Variants in RASAL2 observed in about 807,000 individuals in gnomAD.
RASAL2 encodes ras GTPase-activating protein nGAP.
A neutral mutation model predicts 128.9 loss-of-function variants in RASAL2; 58 were observed. That is an observed-to-expected ratio of 0.45 (90% CI 0.36 to 0.56). The LOEUF is 0.56. Ranked by LOEUF, RASAL2 falls within the 20% of genes least tolerant of loss-of-function variation. The pLI is 0.00. For synonymous variants in RASAL2, 561 were observed against 580.8 expected (o/e 0.97, Z 0.49); for missense variants, 1,360 against 1,601.6 (o/e 0.85, Z 2.57).
At chr1:178,233,557 T>C (rs1664099610) in intron 1 of RASAL2, among the ~76,000 whole-genome samples, 1 of 152,206 alleles carries the variant, frequency 6.6e-6, no homozygotes, top group Non-Finnish European at 1.5e-5. Flanking sequence ...GGAGACCTGG[T>C]TGAACGACAA....
chr1:178,400,989 G>A (rs1463428712), intron 4 of RASAL2, among the ~76,000 whole-genome samples: 2 of 152,168 alleles, frequency 1.3e-5, no homozygotes, highest in Non-Finnish European at 2.9e-5. Flanking sequence ...GCCCTCAGGT[G>A]ATCCACCTAC....
chr1:178,441,526 T>TA, intron 6 of RASAL2, 23 bp from the exon 7 acceptor site: 1 of 1,576,174 alleles, frequency 6.3e-7, no homozygotes, highest in Non-Finnish European at 8.7e-7. Flanking sequence ...TTCTTTTTCT[T>TA]ATGTCTAATT....
chr1:178,456,718 C>T lies in RASAL2; in HGVS notation c.2212-3C>T. 1 of 1,614,072 alleles carries T rather than the reference C, an allele frequency of 6.2e-7. No homozygotes were observed. Among genetic ancestry groups the T allele is most frequent in the Non-Finnish European group, 8.5e-7 (1 of 1,179,990 alleles). On this transcript the variant is annotated splice_polypyrimidine_tract_variant and splice_region_variant and intron_variant, in intron 12 of 17. Transcript: ENST00000367649. ...CAATTAGGGTGAAAATTCCTTCCTA[C>T]AGGCGACCGTGGCAAAATTGGGGCC...
intron 1 of RASAL2, among the ~76,000 whole-genome samples, chr1:178,242,087 G>C (rs1221939704): frequency 6.6e-6 from 1 of 152,000 alleles, no homozygotes; most frequent in Non-Finnish European, 1.5e-5. Flanking sequence ...GTTGCTATAG[G>C]TATTACAGTA....
At chr1:178,297,515 G>C (rs1315928253) in intron 2 of RASAL2, among the ~76,000 whole-genome samples, 1 of 149,624 alleles carries the variant, frequency 6.7e-6, no homozygotes, top group Non-Finnish European at 1.5e-5. Flanking sequence ...GCTGAGACAG[G>C]AGAATCGCTT....
chr1:178,428,299 G>A (rs1477349332), intron 5 of RASAL2, among the ~76,000 whole-genome samples: 1 of 151,938 alleles, frequency 6.6e-6, no homozygotes, highest in African/African-American at 2.4e-5. Context: ...AAATGCCCAA[G>A]AGTATAATTG....
intron 3 of RASAL2, among the ~76,000 whole-genome samples, chr1:178,334,319 A>G (rs1669478080): frequency 6.6e-6 from 1 of 150,832 alleles, no homozygotes; most frequent in South Asian, 2.1e-4. Flanking sequence ...GTAAAAAATC[A>G]TTCATTTATT....
intron 5 of RASAL2, among the ~76,000 whole-genome samples, chr1:178,431,156 C>G (rs1030300247): frequency 6.6e-6 from 1 of 151,748 alleles, no homozygotes; most frequent in African/African-American, 2.4e-5. Flanking sequence ...ATTTAAAAAC[C>G]CTTTGTAAAC....
chr1:178,291,541 T>A (rs1444852101), intron 2 of RASAL2, among the ~76,000 whole-genome samples: 1 of 152,218 alleles, frequency 6.6e-6, no homozygotes, highest in Non-Finnish European at 1.5e-5. Context: ...AGACAGGTGT[T>A]TATGTTCTGC....
rs367555071 is a variant in RASAL2, at chr1:178,443,074, A to G, written c.1327A>G (p.Ile443Val). ...RIKSRFQTIT[I>V]LPMEQYKEFA... ...TAAATCACGTTTCCAAACTATCACC[A>G]TTCTGCCTATGGAGCAATACAAAGA... Residue 443 changes from isoleucine to valine, a missense_variant, in exon 8 of 18, where the codon ATT (isoleucine) becomes GTT (valine). Coordinates refer to ENST00000367649, the MANE Select transcript of RASAL2 (RefSeq NM_170692.4). The G allele has an allele frequency of 2.0e-5, 32 of 1,613,868 alleles. No homozygotes were observed. In the African/African-American group the frequency reaches 2.9e-4, roughly 15 times the overall value.
intron 1 of RASAL2, among the ~76,000 whole-genome samples, chr1:178,182,190 A>G (rs903530930): frequency 6.6e-6 from 1 of 152,168 alleles, no homozygotes; most frequent in Non-Finnish European, 1.5e-5. Context: ...AGTTCTTTAT[A>G]TATTCTATCA....
chr1:178,253,541 G>C (rs1375604168), intron 1 of RASAL2, among the ~76,000 whole-genome samples: 3 of 152,164 alleles, frequency 2.0e-5, no homozygotes, highest in African/African-American at 7.2e-5. Context: ...GAACAATAAG[G>C]CTGTTTATTT....
At chr1:178,401,511 A>C (rs1027563088) in intron 4 of RASAL2, among the ~76,000 whole-genome samples, 25 of 152,132 alleles carry the variant, frequency 1.6e-4, no homozygotes, top group African/African-American at 5.3e-4. Context: ...CTGGTGGTAC[A>C]TGCCAGTAGT....
chr1:178,367,201 T>C (rs1671448564), intron 3 of RASAL2, among the ~76,000 whole-genome samples: 2 of 152,282 alleles, frequency 1.3e-5, no homozygotes, highest in South Asian at 4.2e-4. Context: ...CTCCACAGTC[T>C]GATCTCCTTT....
At chr1:178,331,319 G>A (rs372842576) in intron 3 of RASAL2, among the ~76,000 whole-genome samples, 101 of 152,230 alleles carry the variant, frequency 6.6e-4, no homozygotes, top group African/African-American at 2.1e-3. Context: ...GCACAGGTGC[G>A]CAGCACCACA....
At chr1:178,227,926 A>C (rs983605234) in intron 1 of RASAL2, among the ~76,000 whole-genome samples, 2 of 152,202 alleles carry the variant, frequency 1.3e-5, no homozygotes, top group Non-Finnish European at 1.5e-5. Context: ...GAGATTATAC[A>C]TCCTGTGAAT....
At chr1:178,399,082 C>T (rs768972837) in intron 4 of RASAL2, among the ~76,000 whole-genome samples, 4 of 152,144 alleles carry the variant, frequency 2.6e-5, no homozygotes, top group Admixed American at 6.5e-5. Flanking sequence ...ATGGAGAATT[C>T]GTGGGGACCT....
At chr1:178,432,306 C>G (rs985940312) in intron 5 of RASAL2, among the ~76,000 whole-genome samples, 4 of 151,942 alleles carry the variant, frequency 2.6e-5, no homozygotes, top group African/African-American at 9.7e-5. Flanking sequence ...TGAAACTGCT[C>G]TTGCCAAAGT....
chr1:178,249,422 T>A (rs1664936885), intron 1 of RASAL2, among the ~76,000 whole-genome samples: 1 of 152,054 alleles, frequency 6.6e-6, no homozygotes, highest in African/African-American at 2.4e-5. Context: ...AAACTGGTTA[T>A]TCTAGTTAGC....
Sources: allele counts gnomAD v4.1 joint callset (sites outside exome capture counted in the v4.1 genomes callset), GRCh38; gene constraint gnomAD v4.1.1; transcripts MANE v1.5; gene names NCBI Gene and HGNC (gene_info 2026-07-23, HGNC 2026-07-21).